Variants in NAA11 observed in about 807,000 individuals in gnomAD.
The protein encoded by NAA11 is N-alpha-acetyltransferase 11.
A neutral mutation model predicts 16.1 loss-of-function variants in NAA11; 15 were observed. That is an observed-to-expected ratio of 0.93 (90% CI 0.62 to 1.44). NAA11 has a LOEUF of 1.44. Ranked by LOEUF, NAA11 falls within the 40% of genes most tolerant of loss-of-function variation. The probability of loss-of-function intolerance (pLI) is 0.00; values close to 1 mark genes in which losing one functional copy is unlikely to be tolerated. For synonymous variants in NAA11, 122 were observed against 112.4 expected (o/e 1.09, Z -0.54); for missense variants, 298 against 291.3 (o/e 1.02, Z -0.17).
chr4:79,287,293 G>A (rs1560449800), intron 2 of NAA11, among the ~76,000 whole-genome samples: 1 of 151,978 alleles, frequency 6.6e-6, no homozygotes, highest in South Asian at 2.1e-4. Context: ...AACATCTATG[G>A]ACTCATTAGT....
At chr4:79,247,186 G>A (rs1165226444) in intron 2 of NAA11, among the ~76,000 whole-genome samples, 1 of 152,176 alleles carries the variant, frequency 6.6e-6, no homozygotes, top group Non-Finnish European at 1.5e-5. Flanking sequence ...CTATCATTGT[G>A]TATTTTGATA....
chr4:79,275,617 A>G (rs1189240155), intron 2 of NAA11, among the ~76,000 whole-genome samples: 1 of 152,138 alleles, frequency 6.6e-6, no homozygotes, highest in Non-Finnish European at 1.5e-5. Context: ...ACTGATTTTC[A>G]TGTGCATTCT....
intron 1 of NAA11, among the ~76,000 whole-genome samples, chr4:79,295,253 T>C (rs1462466369): frequency 3.3e-5 from 5 of 152,234 alleles, no homozygotes; most frequent in African/African-American, 9.6e-5. Context: ...TTTGGCTGCA[T>C]GCTTTGCCTT....
chr4:79,190,918 C>T, the NAA11 span, among the ~76,000 whole-genome samples: 551 of 152,080 alleles, frequency 3.6e-3, no homozygotes, highest in African/African-American at 0.013. Flanking sequence ...TGAGAACATG[C>T]GGTATTTGGT....
At chr4:79,204,724 C>T in the NAA11 span, among the ~76,000 whole-genome samples, 2 of 151,780 alleles carry the variant, frequency 1.3e-5, no homozygotes, top group South Asian at 4.2e-4. Flanking sequence ...ACCCACTCCC[C>T]TTCTGAGTCT....
the NAA11 span, among the ~76,000 whole-genome samples, chr4:79,219,230 T>C: frequency 3.3e-5 from 5 of 152,176 alleles, no homozygotes; most frequent in Non-Finnish European, 7.4e-5. Flanking sequence ...GCTTGGTCGA[T>C]TGGATGAGGG....
chr4:79,258,724 C>G (rs2109972696), intron 2 of NAA11: 1 of 152,436 alleles, frequency 6.6e-6, no homozygotes, highest in East Asian at 1.9e-4. Flanking sequence ...GGCCTGAAGG[C>G]TGGGGGCCAG....
At chr4:79,252,967 A>AG (rs1205146891) in intron 2 of NAA11, among the ~76,000 whole-genome samples, 2 of 152,226 alleles carry the variant, frequency 1.3e-5, no homozygotes, top group Non-Finnish European at 2.9e-5. Flanking sequence ...GAGACCAGTT[A>AG]GGGGTCTCTT....
intron 2 of NAA11, among the ~76,000 whole-genome samples, chr4:79,242,298 C>T (rs531556926): frequency 6.6e-6 from 1 of 152,192 alleles, no homozygotes; most frequent in Admixed American, 6.5e-5. Context: ...AGTTCCCTGC[C>T]TACCAGTTTC....
chr4:79,274,461 G>A (rs563466914), intron 2 of NAA11, among the ~76,000 whole-genome samples: 22 of 152,070 alleles, frequency 1.4e-4, no homozygotes, highest in Non-Finnish European at 2.8e-4. Context: ...AACCATCCCA[G>A]TATAAAAAGT....
intron 2 of NAA11, among the ~76,000 whole-genome samples, chr4:79,241,036 T>C (rs998597699): frequency 6.6e-6 from 1 of 152,158 alleles, no homozygotes; most frequent in African/African-American, 2.4e-5. Context: ...AAGGAAGTCT[T>C]AGATATCAAC....
chr4:79,260,009 C>T (rs1722212545), intron 2 of NAA11, among the ~76,000 whole-genome samples: 1 of 152,160 alleles, frequency 6.6e-6, no homozygotes, highest in East Asian at 1.9e-4. Context: ...GCAAAAGACT[C>T]ATGCTTAATT....
the NAA11 span, among the ~76,000 whole-genome samples, chr4:79,190,962 A>T: frequency 6.6e-6 from 1 of 152,152 alleles, no homozygotes; most frequent in Admixed American, 6.5e-5. Flanking sequence ...TAAAAATAAT[A>T]GTCTCCAGCT....
the NAA11 span, among the ~76,000 whole-genome samples, chr4:79,186,894 AAC>A: frequency 6.6e-6 from 1 of 152,186 alleles, no homozygotes; most frequent in African/African-American, 2.4e-5. Flanking sequence ...AAGCACGATG[AAC>A]ACAGTGAGGT....
At chr4:79,235,395 GA>G (rs369288137) in intron 2 of NAA11, among the ~76,000 whole-genome samples, 4 of 150,616 alleles carry the variant, frequency 2.7e-5, no homozygotes, top group African/African-American at 4.9e-5. Context: ...CAGCTTGAAA[GA>G]AAAAAAAATT....
intron 2 of NAA11, among the ~76,000 whole-genome samples, chr4:79,250,848 G>A: frequency 6.6e-6 from 1 of 152,102 alleles, no homozygotes; most frequent in East Asian, 1.9e-4. Context: ...ACATACATGG[G>A]CCCTACAAGC....
At chr4:79,237,859 A>C (rs551275339) in intron 2 of NAA11, among the ~76,000 whole-genome samples, 1 of 152,338 alleles carries the variant, frequency 6.6e-6, no homozygotes, top group South Asian at 2.1e-4. Flanking sequence ...ATTATTCATT[A>C]TATGCCCTGT....
Position 79,303,074 on chromosome 4 carries a change from T to TAGATATATA in NAA11, c.*13-8961_*13-8960insTATATATCT, listed in dbSNP as rs1560462860. On this transcript the variant is annotated intron_variant and NMD_transcript_variant, in intron 1 of 2. Coordinates refer to the NAA11 transcript ENST00000511542. ...TTTTCATTCCTGTTCTCTTGAGGCC[T>TAGATATATA]TTTATATATATATATATATATATAT... 2.2e-4 allele frequency among the ~76,000 whole-genome samples: 16 copies of TAGATATATA among 72,282 alleles called. 1 individual carries two copies. Among genetic ancestry groups the TAGATATATA allele is most frequent in the African/African-American group, 1.2e-3 (16 of 13,522 alleles). The allele number at this position is 72,282 out of a possible 152,430, so 47.4% of individuals were successfully genotyped here. A position where few individuals can be genotyped will look rare whatever the true frequency, so the allele number is the denominator to read the frequency against.
the NAA11 span, among the ~76,000 whole-genome samples, chr4:79,173,817 A>G: frequency 6.6e-6 from 1 of 152,128 alleles, no homozygotes; most frequent in Non-Finnish European, 1.5e-5. Flanking sequence ...TTGGAATGAT[A>G]TATGTTATTT....
Sources: gnomAD v4.1 joint callset for allele counts (sites outside exome capture counted in the v4.1 genomes callset) on GRCh38, gnomAD v4.1.1 for gene constraint, MANE v1.5 for transcripts, NCBI Gene and HGNC (gene_info 2026-07-23, HGNC 2026-07-21) for gene names.